Variants in TMEM163 observed in about 807,000 individuals in gnomAD.
TMEM163 encodes the protein transmembrane protein 163.
Under a neutral mutation model 29.3 loss-of-function variants are expected in TMEM163, and 17 were observed. That is an observed-to-expected ratio of 0.58 (90% confidence interval 0.40 to 0.87). TMEM163 has a LOEUF of 0.87. Among genes scored for constraint, TMEM163 ranks in the 40% least tolerant of loss-of-function variants. The pLI is 0.00. For synonymous variants in TMEM163, 157 were observed against 160.6 expected, an observed-to-expected ratio of 0.98 and a Z score of 0.17; for missense variants, 303 against 381.5, an observed-to-expected ratio of 0.79 and a Z score of 1.71.
intron 2 of TMEM163, among the ~76,000 whole-genome samples, chr2:134,572,791 A>G (rs1439580451): frequency 6.6e-6 from 1 of 152,246 alleles, no homozygotes; most frequent in Admixed American, 6.5e-5. Flanking sequence ...GCTCCACTTC[A>G]TGACCTCTGC....
chr2:134,510,265 TAA>T (rs1558928018), intron 4 of TMEM163, among the ~76,000 whole-genome samples: 1 of 152,156 alleles, frequency 6.6e-6, no homozygotes, highest in Non-Finnish European at 1.5e-5. Context: ...AGATAAATAT[TAA>T]GTTCATAAAA....
intron 5 of TMEM163, chr2:134,468,727 C>T (rs1454494659): frequency 6.6e-6 from 1 of 152,206 alleles, no homozygotes; most frequent in Non-Finnish European, 1.5e-5. Context: ...CCATCTAGGC[C>T]CCTAGGGCAC....
chr2:134,530,525 C>A (rs988759895), intron 4 of TMEM163, among the ~76,000 whole-genome samples: 1 of 152,166 alleles, frequency 6.6e-6, no homozygotes, highest in Non-Finnish European at 1.5e-5. Context: ...GATACTCCCA[C>A]CTTGCCCTCC....
chr2:134,516,603 A>G (rs1440416999), intron 4 of TMEM163, among the ~76,000 whole-genome samples: 1 of 148,484 alleles, frequency 6.7e-6, no homozygotes, highest in Non-Finnish European at 1.5e-5. Flanking sequence ...ATTCATATAT[A>G]TGTTCATAAA....
At chr2:134,528,165 C>T (rs6730241) in intron 4 of TMEM163, among the ~76,000 whole-genome samples, 6,202 of 152,206 alleles carry the variant, frequency 0.041, 283 homozygotes, top group East Asian at 0.16. Context: ...GGAAAAACTC[C>T]CAGTAGCCTT....
chr2:134,668,618 T>C (rs1033785336), intron 2 of TMEM163, among the ~76,000 whole-genome samples: 1 of 145,316 alleles, frequency 6.9e-6, no homozygotes, highest in African/African-American at 2.6e-5. Flanking sequence ...AGAGGGAAAC[T>C]CCGTCTCAAA....
intron 4 of TMEM163, among the ~76,000 whole-genome samples, chr2:134,505,243 T>C (rs1171507541): frequency 4.0e-5 from 6 of 149,096 alleles, no homozygotes; most frequent in African/African-American, 1.2e-4. Flanking sequence ...GAATTCCTTT[T>C]TTTTTTTTTT....
At chr2:134,675,694 C>T (rs1287550335) in intron 2 of TMEM163, among the ~76,000 whole-genome samples, 1 of 152,196 alleles carries the variant, frequency 6.6e-6, no homozygotes, top group Non-Finnish European at 1.5e-5. Context: ...TCACAAGTTA[C>T]TGTTGCAAAT....
intron 2 of TMEM163, among the ~76,000 whole-genome samples, chr2:134,569,501 A>C (rs2104783684): frequency 6.6e-6 from 1 of 152,346 alleles, no homozygotes; most frequent in African/African-American, 2.4e-5. Flanking sequence ...AATGAAACAC[A>C]TATGAATGAA....
chr2:134,567,157 T>C lies in TMEM163; in HGVS notation c.323-15066A>G, dbSNP rs574443953. Among the ~76,000 whole-genome samples the C allele has an allele frequency of 1.6e-4, 24 of 152,316 alleles. No homozygotes were observed. The South Asian group carries it at 5.0e-3, about 32-fold the overall frequency. ...TATGTATAATATCTGCACGTATTTC[T>C]GAGGCGGGAGATAGGGGTTCATGCT... On this transcript the variant is annotated intron_variant, in intron 2 of 7. Transcript: ENST00000281924.
At chr2:134,579,247 C>T (rs1681635329) in intron 2 of TMEM163, among the ~76,000 whole-genome samples, 1 of 152,142 alleles carries the variant, frequency 6.6e-6, no homozygotes, top group Non-Finnish European at 1.5e-5. Flanking sequence ...GTAAACTTTC[C>T]AGTTTATCAA....
intron 6 of TMEM163, chr2:134,458,459 C>G (rs900647379): frequency 7.8e-6 from 3 of 386,924 alleles, no homozygotes; most frequent in African/African-American, 6.1e-5. Flanking sequence ...CCCGTGCCCG[C>G]TAGAACGCAA....
chr2:134,615,929 T>C (rs563052760), intron 2 of TMEM163, among the ~76,000 whole-genome samples: 64 of 152,276 alleles, frequency 4.2e-4, no homozygotes, highest in African/African-American at 1.5e-3. Context: ...AGTGTTGGAA[T>C]TACAGGCGTG....
At chr2:134,691,750 T>C in intron 2 of TMEM163, among the ~76,000 whole-genome samples, 1 of 152,046 alleles carries the variant, frequency 6.6e-6, no homozygotes, top group East Asian at 1.9e-4. Flanking sequence ...CAAAGTGACA[T>C]CCTAAACACC....
chr2:134,684,291 T>C (rs1220707991), intron 2 of TMEM163, among the ~76,000 whole-genome samples: 2 of 152,018 alleles, frequency 1.3e-5, no homozygotes, highest in Admixed American at 1.3e-4. Flanking sequence ...AACCTTACCA[T>C]CGAGAGGCTT....
chr2:134,612,425 A>G (rs1236235659), intron 2 of TMEM163, among the ~76,000 whole-genome samples: 1 of 152,150 alleles, frequency 6.6e-6, no homozygotes, highest in African/African-American at 2.4e-5. Context: ...AAAGCTCAGG[A>G]AAGACCTGGG....
At chr2:134,530,333 G>A (rs1376596141) in intron 4 of TMEM163, among the ~76,000 whole-genome samples, 1 of 152,156 alleles carries the variant, frequency 6.6e-6, no homozygotes, top group Non-Finnish European at 1.5e-5. Context: ...GTTCAGTGGT[G>A]TGATTAAGGT....
intron 4 of TMEM163, among the ~76,000 whole-genome samples, chr2:134,538,641 T>C (rs1680594967): frequency 1.3e-5 from 2 of 152,192 alleles, no homozygotes; most frequent in South Asian, 4.2e-4. Context: ...AATGGAGTAC[T>C]GCCACACCAC....
At chr2:134,475,707 C>T (rs1051401073) in intron 5 of TMEM163, among the ~76,000 whole-genome samples, 8 of 151,948 alleles carry the variant, frequency 5.3e-5, no homozygotes, top group African/African-American at 1.7e-4. Flanking sequence ...GATGTAAGAA[C>T]AGCAAATAAG....
Sources: allele counts gnomAD v4.1 joint callset (sites outside exome capture counted in the v4.1 genomes callset), GRCh38; gene constraint gnomAD v4.1.1; transcripts MANE v1.5; gene names NCBI Gene and HGNC (gene_info 2026-07-23, HGNC 2026-07-21).